XPR1: variants seen among roughly 807,000 people sequenced by gnomAD.
XPR1 encodes solute carrier family 53 member 1.
Under a neutral mutation model 87.5 loss-of-function variants are expected in XPR1, and 28 were observed. The observed-to-expected ratio is 0.32, with a 90% confidence interval of 0.24 to 0.44. The LOEUF (loss-of-function observed/expected upper bound fraction) is 0.44. Among genes scored for constraint, XPR1 ranks in the 20% least tolerant of loss-of-function variants. The pLI, the probability that XPR1 is intolerant of heterozygous loss-of-function variation, is 1.00. For missense variants in XPR1, 559 were observed against 862.3 expected (o/e 0.65, Z 4.41); for synonymous variants, 300 against 306.1 (o/e 0.98, Z 0.21).
At chr1:180,694,709 C>T (rs1018068564) in intron 2 of XPR1, among the ~76,000 whole-genome samples, 4 of 151,652 alleles carry the variant, frequency 2.6e-5, no homozygotes, top group South Asian at 2.1e-4. Flanking sequence ...TTTCAACAAT[C>T]GAGCTTTAAC....
intron 2 of XPR1, among the ~76,000 whole-genome samples, chr1:180,732,818 TAC>T (rs1658601937): frequency 6.6e-6 from 1 of 152,242 alleles, no homozygotes; most frequent in Non-Finnish European, 1.5e-5. Flanking sequence ...TCCCAGTTCT[TAC>T]CTTGGTGTAC....
At position 180,662,656 on chromosome 1, in the gene XPR1, A is replaced by G. The variant is rs1571695912; in HGVS notation, c.70-19704A>G. Reference sequence around the variant, plus strand: ...TTCTATAACCTTCTTGTAGTTGAATATTGATATCCTTCTTTAGCTTTAGGA... The same window carrying G: ...TTCTATAACCTTCTTGTAGTTGAATGTTGATATCCTTCTTTAGCTTTAGGA... On this transcript the variant is annotated intron_variant, in intron 1 of 14. Coordinates refer to ENST00000367590, the MANE Select transcript of XPR1 (RefSeq NM_004736.4). Among the ~76,000 whole-genome samples, 9 of 152,290 alleles carry G rather than the reference A, an allele frequency of 5.9e-5. No homozygotes were observed. The South Asian group carries it at 1.2e-3, about 21-fold the overall frequency.
chr1:180,680,304 A>G (rs767927336), intron 1 of XPR1, among the ~76,000 whole-genome samples: 17 of 151,546 alleles, frequency 1.1e-4, no homozygotes, highest in Non-Finnish European at 1.0e-4. Context: ...GTAAACTAGT[A>G]CAGCTACTAT....
At chr1:180,851,935 G>A (rs1270860873) in intron 11 of XPR1, among the ~76,000 whole-genome samples, 1 of 151,578 alleles carries the variant, frequency 6.6e-6, no homozygotes, top group Non-Finnish European at 1.5e-5. Context: ...GATTACATCA[G>A]TCACATCCAG....
chr1:180,779,855 A>G (rs1421909865), intron 2 of XPR1, among the ~76,000 whole-genome samples: 2 of 152,126 alleles, frequency 1.3e-5, no homozygotes, highest in African/African-American at 4.8e-5. Flanking sequence ...CTGCCTGCCA[A>G]CCACCACTCT....
intron 11 of XPR1, among the ~76,000 whole-genome samples, chr1:180,855,952 A>C (rs1402110202): frequency 6.6e-6 from 1 of 152,030 alleles, no homozygotes; most frequent in Non-Finnish European, 1.5e-5. Flanking sequence ...TAGCTCTGGC[A>C]GTTGTCCCTT....
intron 1 of XPR1, among the ~76,000 whole-genome samples, chr1:180,663,104 C>G (rs1488102356): frequency 1.3e-5 from 2 of 152,216 alleles, no homozygotes; most frequent in African/African-American, 4.8e-5. Context: ...GGTCTCATAT[C>G]TCCATTTCTC....
chr1:180,880,055 G>A (rs748628338), intron 13 of XPR1, 21 bp from the exon 14 acceptor site: 1 of 1,613,548 alleles, frequency 6.2e-7, no homozygotes, highest in South Asian at 1.1e-5. Flanking sequence ...TAAGTACTTT[G>A]ATCTACCCCA....
At chr1:180,684,723 C>T (rs952042996) in intron 2 of XPR1, among the ~76,000 whole-genome samples, 1 of 152,050 alleles carries the variant, frequency 6.6e-6, no homozygotes, top group Non-Finnish European at 1.5e-5. Flanking sequence ...AAGTTGGATT[C>T]CTAGGTATTT....
chr1:180,843,925 A>G (rs1033305671), intron 11 of XPR1, among the ~76,000 whole-genome samples: 1 of 152,192 alleles, frequency 6.6e-6, no homozygotes, highest in Non-Finnish European at 1.5e-5. Context: ...TTTAAAAGAA[A>G]TAGTTGACCG....
At chr1:180,656,375 TATA>T (rs570782368) in intron 1 of XPR1, among the ~76,000 whole-genome samples, 4,384 of 102,998 alleles carry the variant, frequency 0.043, 201 homozygotes, top group Non-Finnish European at 0.062. Flanking sequence ...AATATTTATA[TATA>T]ATATTCATGT....
At chr1:180,811,703 G>A (rs1650221101) in intron 7 of XPR1, among the ~76,000 whole-genome samples, 1 of 151,812 alleles carries the variant, frequency 6.6e-6, no homozygotes, top group African/African-American at 2.4e-5. Context: ...CTAAAACATT[G>A]CTCATGTATG....
chr1:180,680,950 C>A (rs1426577646), intron 1 of XPR1, among the ~76,000 whole-genome samples: 2 of 152,052 alleles, frequency 1.3e-5, no homozygotes, highest in Admixed American at 6.6e-5. Flanking sequence ...GTGAAATAAG[C>A]CAGGAACAGA....
chr1:180,844,725 T>G (rs560320593), intron 11 of XPR1, among the ~76,000 whole-genome samples: 1 of 152,374 alleles, frequency 6.6e-6, no homozygotes, highest in African/African-American at 2.4e-5. Context: ...GGCTCCTCAC[T>G]GCAGGTTGGG....
intron 11 of XPR1, among the ~76,000 whole-genome samples, chr1:180,861,774 G>T (rs538694245): frequency 9.9e-5 from 15 of 152,016 alleles, no homozygotes; most frequent in Non-Finnish European, 1.8e-4. Flanking sequence ...ACCAGCTCTT[G>T]GGTGGGAGTG....
intron 2 of XPR1, among the ~76,000 whole-genome samples, chr1:180,766,308 A>G (rs1648283932): frequency 6.6e-6 from 1 of 152,200 alleles, no homozygotes; most frequent in Non-Finnish European, 1.5e-5. Flanking sequence ...AATTAATATT[A>G]GCAAGAATGA....
intron 1 of XPR1, among the ~76,000 whole-genome samples, chr1:180,672,165 TTCC>T (rs1368315239): frequency 6.6e-6 from 1 of 152,206 alleles, no homozygotes; most frequent in African/African-American, 2.4e-5. Flanking sequence ...TCCAAATTGA[TTCC>T]TCCTATTACA....
intron 1 of XPR1, among the ~76,000 whole-genome samples, chr1:180,649,072 C>G (rs1272078570): frequency 6.6e-6 from 1 of 152,060 alleles, no homozygotes; most frequent in East Asian, 1.9e-4. Context: ...GTTTGTGAAA[C>G]TAATCCCCAA....
At chr1:180,662,706 A>G (rs1199786127) in intron 1 of XPR1, among the ~76,000 whole-genome samples, 1 of 152,128 alleles carries the variant, frequency 6.6e-6, no homozygotes, top group Non-Finnish European at 1.5e-5. Flanking sequence ...ATCTCTTTGA[A>G]TAAACTTTCT....
Sources: allele counts gnomAD v4.1 joint callset (sites outside exome capture counted in the v4.1 genomes callset), GRCh38; gene constraint gnomAD v4.1.1; transcripts MANE v1.5; gene names NCBI Gene and HGNC (gene_info 2026-07-23, HGNC 2026-07-21).